SCAI: variants seen among roughly 807,000 people sequenced by gnomAD.
SCAI encodes protein SCAI.
SCAI carries 24 observed loss-of-function variants against 92.2 expected under a neutral mutation model. The ratio of observed to expected loss-of-function variants is 0.26; its 90% CI spans 0.19 to 0.37. The LOEUF (loss-of-function observed/expected upper bound fraction) is 0.37. SCAI is among the 10% of genes least tolerant of loss of function. SCAI has a pLI of 1.00. For missense variants in SCAI, 450 were observed against 736.2 expected (o/e 0.61, Z 4.50); for synonymous variants, 261 against 258.6 (o/e 1.01, Z -0.09).
At chr9:125,110,639 A>T (rs975519553) in intron 2 of SCAI, among the ~76,000 whole-genome samples, 1 of 152,196 alleles carries the variant, frequency 6.6e-6, no homozygotes, top group Non-Finnish European at 1.5e-5. Flanking sequence ...CTCCTGCTCC[A>T]GCCATGTAAG....
Position 124,944,466 on chromosome 9 carries a change from A to ATTTTTTTTTTTTTTTT in SCAI, c.*8325_*8340dup, listed in dbSNP as rs71374207. 7.1e-5 allele frequency: 6 copies of ATTTTTTTTTTTTTTTT among 84,726 alleles called. No individual in the cohort carries two copies. The highest frequency in any genetic ancestry group is 3.6e-4 in the East Asian group (1 of 2,778). 5.2% of individuals were successfully genotyped at this position (84,726 alleles called of 1,614,324 possible). On this transcript the variant is annotated 3_prime_UTR_variant, in exon 18 of 18. Coordinates refer to ENST00000336505, the MANE Select transcript of SCAI (RefSeq NM_001144877.3). Reference sequence around the variant, plus strand: ...AGGCGCACACCACCATGCCTGGCTAATTTTTTTTTTTTTTTTTTTTTTTTT... The same window carrying ATTTTTTTTTTTTTTTT: ...AGGCGCACACCACCATGCCTGGCTAATTTTTTTTTTTTTTTTTTTTTTTTTTTTTTTTTTTTTTTTT...
Position 124,951,839 on chromosome 9 carries a change from A to G in SCAI, c.*968T>C, listed in dbSNP as rs1443095841. On this transcript the variant is annotated 3_prime_UTR_variant, in exon 18 of 18. Transcript: ENST00000336505. ...TACTAAATACAGGGAATGTTAATAA[A>G]TCTTATTTCCAAATTACCAATGCAA... 4 of 152,248 alleles carry G rather than the reference A, an allele frequency of 2.6e-5. No homozygotes were observed. Among genetic ancestry groups the G allele is most frequent in the African/African-American group, 9.6e-5 (4 of 41,464 alleles). 9.4% of individuals were successfully genotyped at this position (152,248 alleles called of 1,614,324 possible). A position where few individuals can be genotyped will look rare whatever the true frequency, so the allele number is the denominator to read the frequency against.
At chr9:125,072,527 T>C (rs1291132793) in intron 2 of SCAI, among the ~76,000 whole-genome samples, 6 of 152,216 alleles carry the variant, frequency 3.9e-5, no homozygotes, top group Non-Finnish European at 8.8e-5. Context: ...TTTTTACTTT[T>C]TTATTGTGGT....
In SCAI at chr9:125,004,779, A is replaced by ATTTTTTT. The variant is rs869167558; in HGVS notation, c.862-1216_862-1210dup. Among the ~76,000 whole-genome samples the ATTTTTTT allele has an allele frequency of 7.6e-4, 10 of 13,156 alleles. 2 individuals carry two copies. Among genetic ancestry groups the ATTTTTTT allele is most frequent in the Non-Finnish European group, 1.1e-3 (8 of 7,036 alleles). 8.6% of individuals were successfully genotyped at this position (13,156 alleles called of 152,430 possible). ...TATATATATATATATATATATATAT[A>ATTTTTTT]TTTTTTTTTTTTTTTTTTTTTTTTT... On this transcript the variant is annotated intron_variant, in intron 9 of 17. Transcript: ENST00000336505.
rs1238656289 is a variant in SCAI, at chr9:124,943,765, T to TG, written c.*9041_*9042insC. ...TTATTTTAACTCCTATTTGATTATC[T>TG]TAACCTTTAGTGATGATTAGAACTT... On this transcript the variant is annotated 3_prime_UTR_variant, in exon 18 of 18. Transcript: ENST00000336505. The TG allele has an allele frequency of 6.6e-6, 1 of 152,208 alleles. No homozygotes were observed. Among genetic ancestry groups the TG allele is most frequent in the Non-Finnish European group, 1.5e-5 (1 of 68,030 alleles). The allele number at this position is 152,208 out of a possible 1,614,324, so 9.4% of individuals were successfully genotyped here.
Position 124,945,966 on chromosome 9 carries a change from GCTGGGTTTTC to G in SCAI, c.*6831_*6840del, listed in dbSNP as rs1831139091. Reference sequence around the variant, plus strand: ...AGAGCGCAGGAGACTGGGGGAAAGGGCTGGGTTTTCTAAGCAAGTGTTACCTTATTCACCC... The same window carrying G: ...AGAGCGCAGGAGACTGGGGGAAAGGGTAAGCAAGTGTTACCTTATTCACCC... On this transcript the variant is annotated 3_prime_UTR_variant, in exon 18 of 18. Transcript: ENST00000336505. 1.3e-5 allele frequency: 2 copies of G among 152,172 alleles called. No homozygotes were observed. The highest frequency in any genetic ancestry group is 2.9e-5 in the Non-Finnish European group (2 of 68,044). The allele number at this position is 152,172 out of a possible 1,614,324, so 9.4% of individuals were successfully genotyped here.
In SCAI at chr9:125,136,538, G is replaced by A. The variant is rs191131015; in HGVS notation, c.98+6095C>T. 9.0e-5 allele frequency among the ~76,000 whole-genome samples: 12 copies of A among 133,638 alleles called. No homozygotes were observed. The East Asian group carries it at 2.7e-3, about 30-fold the overall frequency. 87.7% of individuals were successfully genotyped at this position (133,638 alleles called of 152,430 possible). A position where few individuals can be genotyped will look rare whatever the true frequency, so the allele number is the denominator to read the frequency against. ...TGCAATGGCGTGGTCTCAGCTCACTGCAACCTCTGCCTCCCAGGTTGAAGC... is the reference window on the plus strand; with the variant it reads ...TGCAATGGCGTGGTCTCAGCTCACTACAACCTCTGCCTCCCAGGTTGAAGC... On this transcript the variant is annotated intron_variant, in intron 2 of 17. Coordinates refer to ENST00000336505, the MANE Select transcript of SCAI (RefSeq NM_001144877.3).
chr9:125,127,795 G>A (rs1835309631), intron 2 of SCAI, among the ~76,000 whole-genome samples: 1 of 152,060 alleles, frequency 6.6e-6, no homozygotes. Flanking sequence ...ATCAACTGAG[G>A]TCAGGAGTTT....
chr9:124,971,566 T>C (rs1831658498), intron 16 of SCAI, 96 bp from the exon 17 acceptor site: 1 of 1,396,308 alleles, frequency 7.2e-7, no homozygotes, highest in African/African-American at 1.4e-5. Flanking sequence ...TCAACTTTCC[T>C]GCCTGGGACA....
At chr9:125,054,059 C>T (rs1833616094) in intron 3 of SCAI, among the ~76,000 whole-genome samples, 4 of 152,142 alleles carry the variant, frequency 2.6e-5, no homozygotes, top group Admixed American at 6.6e-5. Context: ...ACTGAAGCCT[C>T]GATCTCCTGG....
chr9:125,059,973 C>A (rs1489508347), intron 2 of SCAI, among the ~76,000 whole-genome samples: 6 of 152,190 alleles, frequency 3.9e-5, no homozygotes, highest in African/African-American at 1.4e-4. Flanking sequence ...AGCATTCAAA[C>A]GACAACTTTT....
At chr9:125,032,928 T>C (rs1172341472) in intron 3 of SCAI, among the ~76,000 whole-genome samples, 2 of 152,186 alleles carry the variant, frequency 1.3e-5, no homozygotes, top group Non-Finnish European at 2.9e-5. Context: ...ACTAATATTA[T>C]TCTATCAAGT....
intron 17 of SCAI, among the ~76,000 whole-genome samples, chr9:124,957,413 AG>A (rs1831337349): frequency 6.6e-6 from 1 of 151,868 alleles, no homozygotes; most frequent in South Asian, 2.1e-4. Context: ...CCCAGGCTGG[AG>A]TGCAGTGGTG....
intron 2 of SCAI, among the ~76,000 whole-genome samples, chr9:125,082,001 C>T (rs533187009): frequency 2.6e-5 from 4 of 152,324 alleles, no homozygotes; most frequent in Admixed American, 6.5e-5. Flanking sequence ...GCATAAGTAA[C>T]GAGGAGCCCA....
chr9:125,110,883 G>C (rs1564417925), intron 2 of SCAI, among the ~76,000 whole-genome samples: 1 of 152,160 alleles, frequency 6.6e-6, no homozygotes. Flanking sequence ...GCGCCCTGAG[G>C]CCTCCCCAGA....
intron 9 of SCAI, among the ~76,000 whole-genome samples, chr9:125,018,467 T>C (rs554096748): frequency 6.6e-6 from 1 of 152,326 alleles, no homozygotes; most frequent in South Asian, 2.1e-4. Flanking sequence ...TATTTGGAGA[T>C]AAAACTTAGA....
chr9:125,094,431 T>A (rs1834503774), intron 2 of SCAI, among the ~76,000 whole-genome samples: 1 of 152,204 alleles, frequency 6.6e-6, no homozygotes, highest in African/African-American at 2.4e-5. Flanking sequence ...AGTTCCATCA[T>A]TTCACTCAAA....
intron 14 of SCAI, among the ~76,000 whole-genome samples, chr9:124,986,381 A>T (rs894169770): frequency 1.3e-5 from 2 of 152,234 alleles, no homozygotes; most frequent in Non-Finnish European, 2.9e-5. Context: ...AACCAACAAA[A>T]AACTCAATAG....
chr9:124,968,075 G>A (rs894928400), intron 17 of SCAI, among the ~76,000 whole-genome samples: 3 of 152,028 alleles, frequency 2.0e-5, no homozygotes, highest in Non-Finnish European at 2.9e-5. Flanking sequence ...ATCATATGAG[G>A]GAGGAAATCA....
Sources: gnomAD v4.1 joint callset for allele counts (sites outside exome capture counted in the v4.1 genomes callset) on GRCh38, gnomAD v4.1.1 for gene constraint, MANE v1.5 for transcripts, NCBI Gene and HGNC (gene_info 2026-07-23, HGNC 2026-07-21) for gene names.